The following ZNF362 variants were observed in gnomAD, a reference collection of about 807,000 sequenced individuals.
ZNF362 encodes zinc finger protein 362, also known as rotund homolog.
In ZNF362, 11 loss-of-function variants were observed where a neutral mutation model predicts 42.9. That is an observed-to-expected ratio of 0.26 (90% confidence interval 0.16 to 0.42). The LOEUF (loss-of-function observed/expected upper bound fraction) is 0.42, where lower values mean the gene tolerates loss of function less well. ZNF362 is among the 20% of genes least tolerant of loss of function. The probability of loss-of-function intolerance (pLI) is 1.00; values close to 1 mark genes in which losing one functional copy is unlikely to be tolerated. For missense variants in ZNF362, 362 were observed against 576.2 expected, an observed-to-expected ratio of 0.63 and a Z score of 3.81; for synonymous variants, 255 against 257.3, an observed-to-expected ratio of 0.99 and a Z score of 0.09.
chr1:33,227,049 A>G, the ZNF362 span, among the ~76,000 whole-genome samples: 1 of 152,192 alleles, frequency 6.6e-6, no homozygotes, highest in South Asian at 2.1e-4. Flanking sequence ...GGGGACAGTG[A>G]TAACTATAGG....
At chr1:33,191,956 C>T in the ZNF362 span, among the ~76,000 whole-genome samples, 1 of 152,206 alleles carries the variant, frequency 6.6e-6, no homozygotes, top group Non-Finnish European at 1.5e-5. Context: ...GAGGCCTCTG[C>T]ATAGTTTCCA....
chr1:33,254,311 A>G (rs530670603), upstream of ZNF362, among the ~76,000 whole-genome samples: 4 of 152,032 alleles, frequency 2.6e-5, no homozygotes, highest in Non-Finnish European at 5.9e-5. Flanking sequence ...TTTAGTAGAG[A>G]TGGGGTTTCA....
At chr1:33,181,145 G>T in the ZNF362 span, 1 of 1,600,406 alleles carries the variant, frequency 6.2e-7, no homozygotes, top group African/African-American at 1.3e-5. This position sits in a 1 kb window ranked among gnomAD's most constrained non-coding sequence, Gnocchi z 6.5. Context: ...TGACCTTGTC[G>T]TGCGCCTGGC....
chr1:33,172,544 G>A, the ZNF362 span, among the ~76,000 whole-genome samples: 1 of 152,086 alleles, frequency 6.6e-6, no homozygotes, highest in Admixed American at 6.5e-5. Flanking sequence ...GGGCCCCATC[G>A]GAGCGGGGGT....
chr1:33,250,887 A>AAGAAGAAGAAGAAGAAGG, the ZNF362 span, among the ~76,000 whole-genome samples: 2 of 151,464 alleles, frequency 1.3e-5, no homozygotes, highest in East Asian at 2.0e-4. Flanking sequence ...GAAGAAGAAG[A>AAGAAGAAGAAGAAGAAGG]AGAAGAAGGA....
chr1:33,249,575 TGGAAA>T, the ZNF362 span, among the ~76,000 whole-genome samples: 1 of 151,318 alleles, frequency 6.6e-6, no homozygotes, highest in Non-Finnish European at 1.5e-5. Context: ...CCCAAGAAAG[TGGAAA>T]GGAGAGTACA....
At chr1:33,153,860 G>T in the ZNF362 span, among the ~76,000 whole-genome samples, 1 of 152,188 alleles carries the variant, frequency 6.6e-6, no homozygotes, top group Non-Finnish European at 1.5e-5. Context: ...ACAAACATTT[G>T]CTGTGCTAGC....
At chr1:33,158,436 C>T in the ZNF362 span, 1 of 1,263,844 alleles carries the variant, frequency 7.9e-7, no homozygotes, top group African/African-American at 1.5e-5. Context: ...AGGGGCCCCG[C>T]AGCCACCTTC....
At chr1:33,138,523 C>T in the ZNF362 span, among the ~76,000 whole-genome samples, 1 of 151,088 alleles carries the variant, frequency 6.6e-6, no homozygotes, top group Non-Finnish European at 1.5e-5. Flanking sequence ...ATTAGCACGC[C>T]CAATAATAGT....
the ZNF362 span, among the ~76,000 whole-genome samples, chr1:33,223,135 C>T: frequency 2.6e-5 from 4 of 152,096 alleles, no homozygotes; most frequent in Non-Finnish European, 5.9e-5. Context: ...CCTGTAGTCC[C>T]AGCTACTCAG....
chr1:33,290,863 T>C (rs1282900982), intron 6 of ZNF362, among the ~76,000 whole-genome samples: 3 of 152,256 alleles, frequency 2.0e-5, no homozygotes, highest in Admixed American at 1.3e-4. Flanking sequence ...AGATGTCTTC[T>C]TTTGAGAAGT....
Position 33,281,115 on chromosome 1 carries a change from G to C in ZNF362, c.684-472G>C, listed in dbSNP as rs77833810. ...CAACAATTTTAAAGAATCACCTGAA[G>C]AGCTTTCAGAAAATGCGGATGCCAG... On this transcript the variant is annotated intron_variant, in intron 5 of 8. Coordinates refer to ENST00000539719, the MANE Select transcript of ZNF362 (RefSeq NM_152493.3). The surrounding 1 kb of genome is among the most constrained non-coding windows in gnomAD (Gnocchi z 4.8). Among the ~76,000 whole-genome samples, 4,946 of 152,178 alleles carry C rather than the reference G, an allele frequency of 0.033. 91 individuals are homozygous for C. The highest frequency in any genetic ancestry group is 0.085 in the Middle Eastern group (25 of 294).
At chr1:33,133,299 A>G in the ZNF362 span, among the ~76,000 whole-genome samples, 1 of 152,264 alleles carries the variant, frequency 6.6e-6, no homozygotes, top group African/African-American at 2.4e-5. Context: ...TGTCGCCTCA[A>G]GAGAGGAAGG....
chr1:33,154,231 C>T, the ZNF362 span, among the ~76,000 whole-genome samples: 1 of 150,426 alleles, frequency 6.6e-6, no homozygotes, highest in African/African-American at 2.5e-5. Flanking sequence ...GAGGCTGAGA[C>T]TAAGTTCTGG....
chr1:33,130,182 C>T, the ZNF362 span, among the ~76,000 whole-genome samples: 1 of 152,150 alleles, frequency 6.6e-6, no homozygotes, highest in Non-Finnish European at 1.5e-5. Context: ...TTAGATGGTG[C>T]ACTAGGAGGC....
the ZNF362 span, among the ~76,000 whole-genome samples, chr1:33,241,089 C>G: frequency 5.8e-3 from 867 of 150,116 alleles, 14 homozygotes; most frequent in East Asian, 0.079. Flanking sequence ...GACAATTCCC[C>G]CGCCCCGCCC....
At chr1:33,223,968 G>A in the ZNF362 span, among the ~76,000 whole-genome samples, 1 of 151,558 alleles carries the variant, frequency 6.6e-6, no homozygotes, top group African/African-American at 2.4e-5. Context: ...GCATTAAGGT[G>A]ATCTGTCTCT....
At chr1:33,218,953 AC>A in the ZNF362 span, among the ~76,000 whole-genome samples, 1 of 148,846 alleles carries the variant, frequency 6.7e-6, no homozygotes, top group African/African-American at 2.5e-5. Flanking sequence ...ACACACACAC[AC>A]ACACACACAC....
chr1:33,211,596 A>G, the ZNF362 span, among the ~76,000 whole-genome samples: 1 of 152,188 alleles, frequency 6.6e-6, no homozygotes, highest in Non-Finnish European at 1.5e-5. Flanking sequence ...GGGTTTCTGC[A>G]GAGAGATCTG....
Sources: allele counts gnomAD v4.1 joint callset (sites outside exome capture counted in the v4.1 genomes callset), GRCh38; gene constraint gnomAD v4.1.1; non-coding constraint Gnocchi (gnomAD v3.1); transcripts MANE v1.5; gene names NCBI Gene and HGNC (gene_info 2026-07-23, HGNC 2026-07-21).